COL6A2: variants seen among roughly 807,000 people sequenced by gnomAD.
COL6A2 encodes the protein collagen alpha-2(VI) chain.
In COL6A2, 90 loss-of-function variants were observed where a neutral mutation model predicts 124.9. The ratio of observed to expected loss-of-function variants is 0.72; its 90% CI spans 0.61 to 0.86. COL6A2 has a LOEUF of 0.86. Ranked by LOEUF, COL6A2 falls within the 40% of genes least tolerant of loss-of-function variation. COL6A2 has a pLI of 0.00. For missense variants in COL6A2, 1,607 were observed against 1,502.5 expected, an observed-to-expected ratio of 1.07 and a Z score of -1.15; for synonymous variants, 793 against 618.2, an observed-to-expected ratio of 1.28 and a Z score of -4.19.
intron 19 of COL6A2, 90 bp downstream of exon 19, chr21:46,122,248 C>T: frequency 6.9e-7 from 1 of 1,448,542 alleles, no homozygotes; most frequent in Non-Finnish European, 9.6e-7. Context: ...CTCAAGGCCT[C>T]CTCTGTGCAG....
chr21:46,122,948 C>A lies in COL6A2; in HGVS notation c.1671+11C>A, dbSNP rs750388321. On this transcript the variant is annotated intron_variant, in intron 21 of 27. Coordinates refer to ENST00000300527, the MANE Select transcript of COL6A2 (RefSeq NM_001849.4). The stretch of plus-strand genomic sequence containing the variant: ...GAGAAAGGAGAGCCTGTGAGTGTCA[C>A]CGTCCCGAAGCCCACAGCAGCTGGG... The A allele has an allele frequency of 2.5e-6, 4 of 1,612,456 alleles. No individual in the cohort carries two copies. The highest frequency in any genetic ancestry group is 1.7e-4 in the Middle Eastern group (1 of 6,056).
chr21:46,132,620 G>T lies in COL6A2; in HGVS notation c.*68G>T. 1.4e-6 allele frequency: 2 copies of T among 1,428,422 alleles called. No homozygotes were observed. Among genetic ancestry groups the T allele is most frequent in the Non-Finnish European group, 1.9e-6 (2 of 1,047,352 alleles). The allele number at this position is 1,428,422 out of a possible 1,614,324, so 88.5% of individuals were successfully genotyped here. On this transcript the variant is annotated 3_prime_UTR_variant, in exon 28 of 28. Coordinates refer to ENST00000300527, the MANE Select transcript of COL6A2 (RefSeq NM_001849.4). Reference sequence around the variant, plus strand: ...CCGTCCATGGTGCTAAGCGGGCCCGGGTCCCACACGGCCAGCACCGCTGCT... The same window carrying T: ...CCGTCCATGGTGCTAAGCGGGCCCGTGTCCCACACGGCCAGCACCGCTGCT...
chr21:46,126,091 T>C lies in COL6A2; in HGVS notation c.2276T>C (p.Ile759Thr). The stretch of plus-strand genomic sequence containing the variant: ...GACGTCACAGTGACGGCCATCGGCA[T>C]CGGGGACATGTTCCACGAGAAGCAC... ...DRDVTVTAIG[I>T]GDMFHEKHES... The change falls in exon 26 of 28, where the codon ATC becomes ACC. Residue 759 changes from isoleucine to threonine, a missense_variant. Physicochemically the swap from Ile to Thr is moderately conservative, Grantham distance 89. This residue lies in a region of COL6A2 where 1,223 missense variants were observed against 1,052.2 expected (regional missense o/e 1.16). Coordinates refer to ENST00000300527, the MANE Select transcript of COL6A2 (RefSeq NM_001849.4). 1.2e-6 allele frequency: 2 copies of C among 1,612,910 alleles called. No individual in the cohort carries two copies. The highest frequency in any genetic ancestry group is 1.7e-6 in the Non-Finnish European group (2 of 1,180,008).
intron 18 of COL6A2, among the ~76,000 whole-genome samples, chr21:46,121,870 G>A (rs949926107): frequency 6.6e-6 from 1 of 152,012 alleles, no homozygotes; most frequent in Admixed American, 6.5e-5. Context: ...GGGCAGCTAC[G>A]TGGCCTGAGT....
In COL6A2 at chr21:46,115,897, C is replaced by G; in HGVS notation, c.827C>G (p.Pro276Arg). ...GGTGCCAAGGGCAACATGGGTGAGC[C>G]GGGAGAGCCTGGCCAGAAGGGAAGA... Reference protein sequence around the residue: ...QKGAKGNMGEPGEPGQKGRQG... With the variant: ...QKGAKGNMGERGEPGQKGRQG... Residue 276 changes from proline to arginine, a missense_variant, in exon 6 of 28, where the codon CCG (proline) becomes CGG (arginine). Physicochemically the swap from Pro to Arg is moderately radical, Grantham distance 103 (BLOSUM62 -2). Transcript: ENST00000300527. The G allele has an allele frequency of 6.2e-7, 1 of 1,612,860 alleles. No homozygotes were observed. Among genetic ancestry groups the G allele is most frequent in the Non-Finnish European group, 8.5e-7 (1 of 1,180,006 alleles).
chr21:46,100,321 T>A (rs1410615013), intron 1 of COL6A2, among the ~76,000 whole-genome samples: 1 of 152,092 alleles, frequency 6.6e-6, no homozygotes, highest in Non-Finnish European at 1.5e-5. Flanking sequence ...TGTTTGTTTG[T>A]TTGTTTGTTT....
chr21:46,116,682 G>C lies in COL6A2; in HGVS notation c.954+5G>C, dbSNP rs750755566. 21 of 1,613,026 alleles carry C rather than the reference G, an allele frequency of 1.3e-5. No homozygotes were observed. Among genetic ancestry groups the C allele is most frequent in the South Asian group, 1.1e-4 (10 of 91,088 alleles). On this transcript the variant is annotated splice_donor_5th_base_variant and intron_variant, in intron 9 of 27. Coordinates refer to ENST00000300527, the MANE Select transcript of COL6A2 (RefSeq NM_001849.4). This position sits in a 1 kb window ranked among gnomAD's most constrained non-coding sequence, Gnocchi z 4.6. Reference sequence around the variant, plus strand: ...TTTGGAGCCGACGGTCGCAAGGTAGGCTGGCTGGGTAGGCAGAGCCCCTCC... The same window carrying C: ...TTTGGAGCCGACGGTCGCAAGGTAGCCTGGCTGGGTAGGCAGAGCCCCTCC...
At chr21:46,123,657 A>G (rs150865567) in intron 21 of COL6A2, among the ~76,000 whole-genome samples, 5 of 149,058 alleles carry the variant, frequency 3.4e-5, no homozygotes, top group African/African-American at 7.4e-5. Flanking sequence ...AAGTGGATAC[A>G]TGGGTGAATG....
chr21:46,129,927 C>T (rs1456325833), intron 27 of COL6A2: 4 of 836,798 alleles, frequency 4.8e-6, no homozygotes, highest in Non-Finnish European at 5.8e-6. Flanking sequence ...TGGGATGGGG[C>T]TGAGGGAGGG....
At chr21:46,114,160 C>G in intron 5 of COL6A2, 87 bp downstream of exon 5, 1 of 1,132,198 alleles carries the variant, frequency 8.8e-7, no homozygotes, top group Non-Finnish European at 1.3e-6. Context: ...GGCGTGGTGG[C>G]TCATACCTGT....
chr21:46,128,449 C>T (rs985995326), intron 27 of COL6A2, among the ~76,000 whole-genome samples: 5 of 152,222 alleles, frequency 3.3e-5, no homozygotes, highest in Non-Finnish European at 7.3e-5. Flanking sequence ...GCATCCTCCT[C>T]GGCCCTCCTG....
rs2078471096 is a variant in COL6A2, at chr21:46,116,420, G to A, written c.927+17G>A. ...GGAGAGAAGGTGAGGCTCTTGCCCT[G>A]ACAGACCTCAGACCTGCGCCAGCCT... On this transcript the variant is annotated intron_variant, in intron 8 of 27. Coordinates refer to ENST00000300527, the MANE Select transcript of COL6A2 (RefSeq NM_001849.4). The surrounding 1 kb of genome is among the most constrained non-coding windows in gnomAD (Gnocchi z 4.6). 6.2e-7 allele frequency: 1 copy of A among 1,612,412 alleles called. No homozygotes were observed. Among genetic ancestry groups the A allele is most frequent in the Admixed American group, 1.7e-5 (1 of 59,988 alleles).
At chr21:46,122,475 T>C in intron 19 of COL6A2, 21 bp from the exon 20 acceptor site, 1 of 1,612,834 alleles carries the variant, frequency 6.2e-7, no homozygotes, top group Non-Finnish European at 8.5e-7. Context: ...TGAGTCACCC[T>C]GGCTTCTGTT....
intron 16 of COL6A2, 46 bp from the exon 17 acceptor site, chr21:46,121,015 G>A (rs1355847299): frequency 1.3e-6 from 2 of 1,567,692 alleles, no homozygotes; most frequent in African/African-American, 2.7e-5. Flanking sequence ...ACTCCAGGGT[G>A]CTGCTGTCAG....
rs1336298106 is a variant in COL6A2, at chr21:46,124,923, A to G, written c.1770+3A>G. ...CCCCTGGAGACCCCGGTCTCACGGT[A>G]GGTGTCACATGGGGCAGAACCAGTG... is the stretch of plus-strand genomic sequence containing the variant. On this transcript the variant is annotated splice_donor_region_variant and intron_variant, in intron 23 of 27. Coordinates refer to ENST00000300527, the MANE Select transcript of COL6A2 (RefSeq NM_001849.4). 2 of 1,612,892 alleles carry G rather than the reference A, an allele frequency of 1.2e-6. No individual in the cohort carries two copies. The highest frequency in any genetic ancestry group is 1.3e-5 in the African/African-American group (1 of 75,060).
At position 46,125,561 on chromosome 21, in the gene COL6A2, T is replaced by G. The variant is rs141919484; in HGVS notation, c.1913T>G (p.Val638Gly). Residue 638 changes from valine to glycine, a missense_variant, in exon 25 of 28, where the codon GTC becomes GGC. This residue lies in a region of COL6A2 where 1,223 missense variants were observed against 1,052.2 expected (regional missense o/e 1.16). Coordinates refer to ENST00000300527, the MANE Select transcript of COL6A2 (RefSeq NM_001849.4). ...YTNFTLEKNF[V>G]INVVNRLGAI... ...AACTTCACACTGGAGAAGAACTTCG[T>G]CATCAACGTGGTCAACAGGCTGGGT... 1.2e-6 allele frequency: 2 copies of G among 1,612,454 alleles called. No individual in the cohort carries two copies. The highest frequency in any genetic ancestry group is 1.3e-5 in the African/African-American group (1 of 74,814).
chr21:46,112,845 T>C (rs773323845), intron 4 of COL6A2, 21 bp downstream of exon 4: 17 of 1,613,332 alleles, frequency 1.1e-5, no homozygotes, highest in Non-Finnish European at 1.4e-5. Context: ...CTTCCCTTCC[T>C]GCCAGTGCTG....
At chr21:46,101,914 G>C (rs1320732545) in intron 1 of COL6A2, among the ~76,000 whole-genome samples, 1 of 100,186 alleles carries the variant, frequency 1.0e-5, no homozygotes, top group East Asian at 2.9e-4. Flanking sequence ...CTAAATTTTA[G>C]GATTTATTCA....
At chr21:46,124,129 GGATAGATGGGTAAGTGAGTGGATA>G (rs1354809278) in intron 21 of COL6A2, among the ~76,000 whole-genome samples, 41 of 151,556 alleles carry the variant, frequency 2.7e-4, no homozygotes, top group African/African-American at 7.7e-4. Context: ...GTGGGTGGAT[GGATAGATGGGTAAGTGAGTGGATA>G]GATAGATGGG....
Sources: gnomAD v4.1 joint callset for allele counts (sites outside exome capture counted in the v4.1 genomes callset) on GRCh38, gnomAD v4.1.1 for gene constraint, gnomAD v4.1.1 regional missense constraint, Gnocchi (gnomAD v3.1) non-coding constraint, MANE v1.5 for transcripts, NCBI Gene and HGNC (gene_info 2026-07-23, HGNC 2026-07-21) for gene names.